PSMA2: variants seen among roughly 807,000 people sequenced by gnomAD.
PSMA2 encodes proteasome subunit alpha type-2.
Under a neutral mutation model 35.9 loss-of-function variants are expected in PSMA2, and 2 were observed. That is an observed-to-expected ratio of 0.06 (90% CI 0.02 to 0.18). The LOEUF is 0.18. PSMA2 is among the 10% of genes least tolerant of loss of function. The pLI is 1.00. For missense variants in PSMA2, 126 were observed against 278.8 expected, an observed-to-expected ratio of 0.45 and a Z score of 3.90; for synonymous variants, 97 against 98.2, an observed-to-expected ratio of 0.99 and a Z score of 0.07.
At position 42,917,652 on chromosome 7, in the gene PSMA2, T is replaced by C; in HGVS notation, c.627A>G (p.Glu209=). The part of the protein sequence containing the change: ...FEGQMTEDNI[E]VGICNEAGFR... ...ATCCAGCTTCATTGCAGATTCCAAC[T>C]TCTATGTTATCCTCTGTCATTTGCC... The change falls in exon 8 of 8, where the codon GAA becomes GAG. Residue 209 remains glutamate (E), a synonymous_variant. Coordinates refer to ENST00000223321, the MANE Select transcript of PSMA2 (RefSeq NM_002787.5). 1 of 1,613,842 alleles carries C rather than the reference T, an allele frequency of 6.2e-7. No individual in the cohort carries two copies.
intron 1 of PSMA2, 87 bp downstream of exon 1, chr7:42,932,027 CACCA>C (rs1265179232): frequency 6.5e-7 from 1 of 1,526,864 alleles, no homozygotes; most frequent in Non-Finnish European, 9.1e-7. Context: ...CCTCCAGAAG[CACCA>C]ATGCCGACGT....
At chr7:42,923,507 C>T (rs1178527584) in intron 4 of PSMA2, 101 bp from the exon 5 acceptor site, 1 of 803,034 alleles carries the variant, frequency 1.2e-6, no homozygotes, top group Non-Finnish European at 2.1e-6. Flanking sequence ...ATCAGGCAAA[C>T]TGAATTAGAC....
intron 1 of PSMA2, among the ~76,000 whole-genome samples, chr7:42,928,625 T>C (rs1290226541): frequency 1.3e-5 from 2 of 152,202 alleles, no homozygotes; most frequent in Admixed American, 1.3e-4. Context: ...GTGAAAGTAA[T>C]TTGTCCAAAG....
intron 1 of PSMA2, among the ~76,000 whole-genome samples, chr7:42,928,352 T>C (rs1042341148): frequency 2.0e-5 from 3 of 152,188 alleles, no homozygotes; most frequent in Non-Finnish European, 4.4e-5. Flanking sequence ...CAGCAGCACA[T>C]ATTTCAGGTC....
chr7:42,922,701 T>C (rs1042097495), intron 5 of PSMA2, among the ~76,000 whole-genome samples: 3 of 152,196 alleles, frequency 2.0e-5, no homozygotes, highest in African/African-American at 7.2e-5. Context: ...ATTATAAGGT[T>C]TGCATTGAGT....
At chr7:42,928,907 T>C (rs1786252590) in intron 1 of PSMA2, among the ~76,000 whole-genome samples, 1 of 152,154 alleles carries the variant, frequency 6.6e-6, no homozygotes, top group African/African-American at 2.4e-5. Flanking sequence ...CAAGATTAAG[T>C]TGAATACCTA....
chr7:42,924,375 A>G (rs930621019), intron 4 of PSMA2, among the ~76,000 whole-genome samples: 6 of 151,222 alleles, frequency 4.0e-5, no homozygotes, highest in East Asian at 3.9e-4. Flanking sequence ...AAAAAAAAAA[A>G]AAAAGAAAAA....
rs1193607972 is a variant in PSMA2 at position 42,917,664 on chromosome 7, C to T, written c.615G>A (p.Glu205=). Residue 205 remains glutamate (E), a synonymous_variant, in exon 8 of 8, where the codon GAG becomes GAA. Transcript: ENST00000223321. ...TGCAGATTCCAACTTCTATGTTATC[C>T]TCTGTCATTTGCCCTTCAAAGCTTT... ...LKESFEGQMT[E]DNIEVGICNE... 6.2e-7 allele frequency: 1 copy of T among 1,613,814 alleles called. No individual in the cohort carries two copies. Among genetic ancestry groups the T allele is most frequent in the Admixed American group, 1.7e-5 (1 of 60,012 alleles).
chr7:42,926,703 C>A (rs1786223360), intron 2 of PSMA2, 35 bp from the exon 3 acceptor site: 2 of 1,570,784 alleles, frequency 1.3e-6, no homozygotes, highest in South Asian at 2.4e-5. Context: ...AATGTTTAAT[C>A]ATTTTTAAGA....
chr7:42,929,860 C>T (rs1373201653), intron 1 of PSMA2, among the ~76,000 whole-genome samples: 1 of 152,152 alleles, frequency 6.6e-6, no homozygotes, highest in Non-Finnish European at 1.5e-5. Context: ...CATGCTGTTC[C>T]CTCTGTCTAC....
intron 6 of PSMA2, chr7:42,919,945 C>T (rs1278979753): frequency 2.7e-6 from 2 of 751,366 alleles, no homozygotes; most frequent in East Asian, 4.9e-5. Flanking sequence ...AACATATGGC[C>T]TTTGGAAATG....
intron 1 of PSMA2, among the ~76,000 whole-genome samples, chr7:42,929,192 T>C (rs931769870): frequency 6.6e-6 from 1 of 152,328 alleles, no homozygotes; most frequent in Admixed American, 6.5e-5. Context: ...TCTAGACCAA[T>C]TAAAGAAACA....
chr7:42,931,269 C>T (rs1488115879), intron 1 of PSMA2: 8 of 346,514 alleles, frequency 2.3e-5, no homozygotes, highest in Non-Finnish European at 3.4e-5. Context: ...GTCAGGAGTA[C>T]ATTTTAAGTA....
At position 42,927,476 on chromosome 7, in the gene PSMA2, G is replaced by T. The variant is rs1786231296; in HGVS notation, c.42-17C>A. The stretch of plus-strand genomic sequence containing the variant: ...CCAGACGGGCTTAAAAGAAACACAG[G>T]TATTTGTAAGTTCACATATCATCAA... On this transcript the variant is annotated splice_polypyrimidine_tract_variant and intron_variant, in intron 1 of 7. Transcript: ENST00000223321. 1 of 1,604,024 alleles carries T rather than the reference G, an allele frequency of 6.2e-7. No individual in the cohort carries two copies. The highest frequency in any genetic ancestry group is 1.7e-5 in the Admixed American group (1 of 59,984).
At chr7:42,919,225 G>A in intron 6 of PSMA2, 4 of 613,772 alleles carry the variant, frequency 6.5e-6, no homozygotes, top group South Asian at 5.8e-5. Flanking sequence ...GGGTCATAAA[G>A]ATGCTGTCTG....
intron 6 of PSMA2, 144 bp downstream of exon 6, chr7:42,921,714 A>T (rs1283065951): frequency 4.1e-6 from 2 of 488,492 alleles, no homozygotes; most frequent in African/African-American, 3.9e-5. Flanking sequence ...GAAGGGAGAG[A>T]AGTTTTTGGT....
chr7:42,923,232 T>C (rs1242260272), intron 5 of PSMA2, 93 bp downstream of exon 5: 2 of 940,592 alleles, frequency 2.1e-6, no homozygotes, highest in Non-Finnish European at 3.3e-6. Context: ...AAGAAAATAC[T>C]GCTAAATTGT....
rs760422656 is a variant in PSMA2, at chr7:42,924,790, C to A, written c.259G>T (p.Val87Leu). The A allele has an allele frequency of 6.2e-7, 1 of 1,609,722 alleles. No homozygotes were observed. Among genetic ancestry groups the A allele is most frequent in the African/African-American group, 1.3e-5 (1 of 74,864 alleles). Reference protein sequence around the residue: ...SGMGPDYRVLVHRARKLAQQY... With the variant: ...SGMGPDYRVLLHRARKLAQQY... ...TGAGCTAGTTTTCGAGCTCTGTGCA[C>A]AAGCACTCTAACAAGGAAAAAATAA... The change falls in exon 4 of 8, where the codon GTG becomes TTG. Residue 87 changes from valine to leucine, a missense_variant. Around this residue, in one of 3 missense-constraint regions of PSMA2, gnomAD observed 78 missense variants for 151.1 expected, o/e 0.52. Coordinates refer to ENST00000223321, the MANE Select transcript of PSMA2 (RefSeq NM_002787.5).
chr7:42,930,688 T>C (rs1022146206), intron 1 of PSMA2, among the ~76,000 whole-genome samples: 1 of 151,696 alleles, frequency 6.6e-6, no homozygotes, highest in Non-Finnish European at 1.5e-5. Context: ...CTGGGCAACA[T>C]CGCAAGACCT....
Sources: gnomAD v4.1 joint callset for allele counts (sites outside exome capture counted in the v4.1 genomes callset) on GRCh38, gnomAD v4.1.1 for gene constraint, gnomAD v4.1.1 regional missense constraint, MANE v1.5 for transcripts, NCBI Gene and HGNC (gene_info 2026-07-23, HGNC 2026-07-21) for gene names.